Variants in SMCO2 observed in about 807,000 individuals in gnomAD.
The protein encoded by SMCO2 is single-pass membrane and coiled-coil domain-containing protein 2.
In SMCO2, 25 loss-of-function variants were observed where a neutral mutation model predicts 29.5. That is an observed-to-expected ratio of 0.85 (90% confidence interval 0.62 to 1.18). SMCO2 has a LOEUF of 1.18. Ranked by LOEUF, SMCO2 falls within the 50% of genes most tolerant of loss-of-function variation. The pLI is 0.00. For missense variants in SMCO2, 348 were observed against 344.5 expected, an observed-to-expected ratio of 1.01 and a Z score of -0.08; for synonymous variants, 117 against 123.3, an observed-to-expected ratio of 0.95 and a Z score of 0.34.
At chr12:27,481,207 G>A (rs545561120) in intron 4 of SMCO2, among the ~76,000 whole-genome samples, 38 of 152,340 alleles carry the variant, frequency 2.5e-4, no homozygotes, top group African/African-American at 8.2e-4. Flanking sequence ...AAATGGTGCC[G>A]TGCTGCAGTT....
At chr12:27,425,863 A>G in the SMCO2 span, among the ~76,000 whole-genome samples, 2 of 152,182 alleles carry the variant, frequency 1.3e-5, no homozygotes, top group African/African-American at 4.8e-5. Context: ...CTCAGGCCCC[A>G]GGCTGTCTAG....
the SMCO2 span, among the ~76,000 whole-genome samples, chr12:27,441,719 T>A: frequency 3.3e-5 from 5 of 152,182 alleles, no homozygotes; most frequent in African/African-American, 4.8e-5. Context: ...ACACTATATC[T>A]AATAGGCCTA....
chr12:27,473,102 CA>C (rs1565674835), intron 3 of SMCO2: 1 of 425,406 alleles, frequency 2.4e-6, no homozygotes, highest in East Asian at 3.9e-5. Context: ...CCCATGCGAA[CA>C]AAAAAGAAAA....
At chr12:27,476,209 G>A (rs2135551251) in intron 4 of SMCO2, among the ~76,000 whole-genome samples, 1 of 152,220 alleles carries the variant, frequency 6.6e-6, no homozygotes, top group South Asian at 2.1e-4. Flanking sequence ...TTATTCCAGT[G>A]TAATCTGAGA....
chr12:27,438,850 A>T, the SMCO2 span, among the ~76,000 whole-genome samples: 1 of 151,344 alleles, frequency 6.6e-6, no homozygotes, highest in Non-Finnish European at 1.5e-5. Flanking sequence ...GAGCTCAAGT[A>T]TGAGGATGAG....
chr12:27,494,514 ATT>A (rs1394262802), intron 6 of SMCO2, among the ~76,000 whole-genome samples, 158 bp downstream of exon 7: 2 of 147,390 alleles, frequency 1.4e-5, no homozygotes, highest in African/African-American at 4.9e-5. Context: ...TATTATTATT[ATT>A]ATTATTATAC....
chr12:27,476,775 A>C (rs1048805827), intron 4 of SMCO2, among the ~76,000 whole-genome samples: 2 of 152,006 alleles, frequency 1.3e-5, no homozygotes, highest in Non-Finnish European at 2.9e-5. Context: ...TAGGCAGCAT[A>C]TAATTGGGTC....
At chr12:27,480,721 T>C (rs1406898252) in intron 4 of SMCO2, among the ~76,000 whole-genome samples, 7 of 152,036 alleles carry the variant, frequency 4.6e-5, no homozygotes, top group Admixed American at 2.0e-4. Context: ...CTCTCTCTCT[T>C]GCTCCTGCTC....
chr12:27,448,096 G>A, the SMCO2 span, among the ~76,000 whole-genome samples: 1 of 152,148 alleles, frequency 6.6e-6, no homozygotes, highest in African/African-American at 2.4e-5. Context: ...TTAAATACAT[G>A]TTTTTAGAAA....
chr12:27,460,633 G>A, the SMCO2 span, among the ~76,000 whole-genome samples: 1 of 152,194 alleles, frequency 6.6e-6, no homozygotes. Flanking sequence ...AGAGGCAGAA[G>A]AGGTGGAGGA....
chr12:27,440,563 C>T, the SMCO2 span, among the ~76,000 whole-genome samples: 1 of 149,914 alleles, frequency 6.7e-6, no homozygotes, highest in Non-Finnish European at 1.5e-5. Context: ...TGTTAAGAGA[C>T]AGGCAATATT....
intron 5 of SMCO2, among the ~76,000 whole-genome samples, chr12:27,492,523 C>T (rs1565682095): frequency 6.6e-6 from 1 of 152,110 alleles, no homozygotes; most frequent in East Asian, 1.9e-4. Context: ...CATGGTGAAA[C>T]CCTGTCTCTA....
the SMCO2 span, among the ~76,000 whole-genome samples, chr12:27,437,815 G>T: frequency 1.4e-4 from 21 of 152,124 alleles, no homozygotes; most frequent in Non-Finnish European, 2.9e-4. Context: ...CTTCACCTGG[G>T]CTCTGTATCT....
chr12:27,486,625 C>T (rs1293666454), intron 4 of SMCO2, among the ~76,000 whole-genome samples: 1 of 152,130 alleles, frequency 6.6e-6, no homozygotes, highest in Non-Finnish European at 1.5e-5. Context: ...CCTTGTCTGC[C>T]TGCAAATCCA....
chr12:27,501,493 G>A (rs1298265308), intron 7 of SMCO2, among the ~76,000 whole-genome samples: 3 of 149,856 alleles, frequency 2.0e-5, no homozygotes, highest in Admixed American at 6.6e-5. Context: ...TAAAAGTCTG[G>A]TGCCAGGACA....
the SMCO2 span, among the ~76,000 whole-genome samples, chr12:27,439,441 T>C: frequency 6.6e-6 from 1 of 152,136 alleles, no homozygotes. Flanking sequence ...CGTAGACATA[T>C]ACTCACAAGA....
At chr12:27,462,145 G>C (rs1463757012), upstream of SMCO2, among the ~76,000 whole-genome samples, 3 of 152,122 alleles carry the variant, frequency 2.0e-5, no homozygotes, top group Non-Finnish European at 2.9e-5. Flanking sequence ...TCACAATGAT[G>C]TTTTTTTCCT....
chr12:27,488,782 T>C (rs931101763), intron 5 of SMCO2, among the ~76,000 whole-genome samples: 1 of 152,196 alleles, frequency 6.6e-6, no homozygotes, highest in African/African-American at 2.4e-5. Context: ...AACTCTATCT[T>C]GTTGCCACCT....
At chr12:27,490,269 G>A (rs369226) in intron 5 of SMCO2, among the ~76,000 whole-genome samples, 18,693 of 152,164 alleles carry the variant, frequency 0.12, 2,216 homozygotes, top group African/African-American at 0.29. Flanking sequence ...GACTATTTAC[G>A]TACTTTGTGC....
Sources: allele counts gnomAD v4.1 joint callset (sites outside exome capture counted in the v4.1 genomes callset), GRCh38; gene constraint gnomAD v4.1.1; transcripts MANE v1.5; gene names NCBI Gene and HGNC (gene_info 2026-07-23, HGNC 2026-07-21).